Variants in FBXL3 observed in about 807,000 individuals in gnomAD.
FBXL3 encodes F-box/LRR-repeat protein 3.
Under a neutral mutation model 37.9 loss-of-function variants are expected in FBXL3, and 14 were observed. That is an observed-to-expected ratio of 0.37 (90% CI 0.24 to 0.58). The LOEUF is 0.58. Among genes scored for constraint, FBXL3 ranks in the 20% least tolerant of loss-of-function variants. The pLI, the probability that FBXL3 is intolerant of heterozygous loss-of-function variation, is 0.74. For missense variants in FBXL3, 327 were observed against 511.1 expected (o/e 0.64, Z 3.47); for synonymous variants, 194 against 180.1 (o/e 1.08, Z -0.62).
chr13:77,024,129 T>A (rs1001873236), intron 1 of FBXL3, among the ~76,000 whole-genome samples: 1 of 152,240 alleles, frequency 6.6e-6, no homozygotes, highest in South Asian at 2.1e-4. Context: ...AGTTTTTTTT[T>A]AATAAGTTTA....
At chr13:77,023,727 T>C (rs530137462) in intron 1 of FBXL3, among the ~76,000 whole-genome samples, 58 of 152,212 alleles carry the variant, frequency 3.8e-4, no homozygotes, top group Non-Finnish European at 7.9e-4. Flanking sequence ...GGCTTGTTGC[T>C]CCAACACTCC....
At chr13:77,013,296 A>G (rs1593926875) in intron 4 of FBXL3, 1 of 151,642 alleles carries the variant, frequency 6.6e-6, no homozygotes, top group Non-Finnish European at 1.5e-5. Context: ...AAAACTGGTA[A>G]CCGCCGTTTC....
intron 2 of FBXL3, among the ~76,000 whole-genome samples, chr13:77,020,560 A>G (rs546586251): frequency 1.3e-5 from 2 of 150,284 alleles, no homozygotes; most frequent in Non-Finnish European, 3.0e-5. Context: ...AGCCTGGACT[A>G]TTCAGCAACT....
intron 4 of FBXL3, chr13:77,010,604 A>AG (rs1244265318): frequency 6.6e-6 from 1 of 152,210 alleles, no homozygotes; most frequent in Non-Finnish European, 1.5e-5. Flanking sequence ...TCTAAGCTAG[A>AG]GGGGGCCAAA....
chr13:77,024,887 A>G (rs1254269049), intron 1 of FBXL3, among the ~76,000 whole-genome samples: 1 of 152,250 alleles, frequency 6.6e-6, no homozygotes, highest in Non-Finnish European at 1.5e-5. Context: ...AAATTCCAAT[A>G]AAAATATCCT....
intron 2 of FBXL3, chr13:77,018,998 A>G (rs185349002): frequency 5.5e-5 from 14 of 256,466 alleles, no homozygotes; most frequent in African/African-American, 2.0e-4. Context: ...TTTCATTATG[A>G]TAAGAGACAT....
At position 77,005,502 on chromosome 13, in the gene FBXL3, G is replaced by GT. The variant is rs2034434920; in HGVS notation, c.*1642dup. 1 of 152,492 alleles carries GT rather than the reference G, an allele frequency of 6.6e-6. No homozygotes were observed. Among genetic ancestry groups the GT allele is most frequent in the African/African-American group, 2.4e-5 (1 of 41,402 alleles). 9.4% of individuals were successfully genotyped at this position (152,492 alleles called of 1,614,324 possible). A position where few individuals can be genotyped will look rare whatever the true frequency, so the allele number is the denominator to read the frequency against. On this transcript the variant is annotated 3_prime_UTR_variant, in exon 5 of 5. Coordinates refer to ENST00000355619, the MANE Select transcript of FBXL3 (RefSeq NM_012158.4). ...AAAAACAACAACTTGACTAGCACAG[G>GT]TAATTCTTGTACAATCAGAGCTTTT...
At chr13:77,013,709 T>C (rs921791119) in intron 4 of FBXL3, 1 of 152,180 alleles carries the variant, frequency 6.6e-6, no homozygotes, top group Non-Finnish European at 1.5e-5. Context: ...GGAAGACTGA[T>C]TTGAGTAATA....
chr13:77,007,181 A>G lies in FBXL3; in HGVS notation c.1251T>C (p.Gly417=). The change falls in exon 5 of 5, where the codon GGT becomes GGC. Residue 417 remains glycine, a synonymous_variant. Coordinates refer to ENST00000355619, the MANE Select transcript of FBXL3 (RefSeq NM_012158.4). The stretch of plus-strand genomic sequence containing the variant: ...GCATCATGTCGGGAAACCACACCCT[A>G]CCAAGATGCTTGGACACTTCCCAGT... ...QIHWEVSKHL[G]RVWFPDMMPT... The G allele has an allele frequency of 6.2e-7, 1 of 1,611,764 alleles. No homozygotes were observed. The highest frequency in any genetic ancestry group is 8.5e-7 in the Non-Finnish European group (1 of 1,178,424).
intron 1 of FBXL3, chr13:77,026,093 G>T: frequency 1.3e-6 from 1 of 769,026 alleles, no homozygotes; most frequent in Non-Finnish European, 1.6e-6. Context: ...AGTTAGAAAA[G>T]GAGGATTCTA....
intron 4 of FBXL3, chr13:77,009,049 GTAT>G (rs1335033763): frequency 6.6e-6 from 1 of 152,174 alleles, no homozygotes; most frequent in African/African-American, 2.4e-5. Flanking sequence ...ATCTGGAAAA[GTAT>G]TATTTCTACT....
At position 77,007,395 on chromosome 13, in the gene FBXL3, G is replaced by A; in HGVS notation, c.1037C>T (p.Pro346Leu). 2 of 1,614,112 alleles carry A rather than the reference G, an allele frequency of 1.2e-6. No homozygotes were observed. Among genetic ancestry groups the A allele is most frequent in the Non-Finnish European group, 1.7e-6 (2 of 1,180,020 alleles). ...AATGCGAATTAACTCTTCATCAAGTGGCCGTAATCCATTTGCACACACTAC... is the reference window on the plus strand; with the variant it reads ...AATGCGAATTAACTCTTCATCAAGTAGCCGTAATCCATTTGCACACACTAC... ...ELVVCANGLR[P>L]LDEELIRIAE... The change falls in exon 5 of 5, where the codon CCA becomes CTA. Residue 346 changes from proline (P) to leucine (L), a missense_variant. Coordinates refer to ENST00000355619, the MANE Select transcript of FBXL3 (RefSeq NM_012158.4).
Position 77,018,678 on chromosome 13 carries a change from T to C in FBXL3, c.393A>G (p.Leu131=), listed in dbSNP as rs973003378. The change falls in exon 3 of 5, where the codon CTA becomes CTG. Residue 131 remains leucine (L), a synonymous_variant. Transcript: ENST00000355619. ...TTAAAGAGCAATTCACAAGTTGCGA[T>C]AGTATATCACAAGCTGCTTCAGCTG... ...KESAEAACDI[L]SQLVNCSLKT... is the part of the protein sequence containing the mutation. 1.5e-5 allele frequency: 24 copies of C among 1,595,682 alleles called. No individual in the cohort carries two copies. Among genetic ancestry groups the C allele is most frequent in the Middle Eastern group, 1.7e-4 (1 of 6,026 alleles).
intron 4 of FBXL3, chr13:77,010,467 A>C (rs1037821110): frequency 2.6e-5 from 4 of 152,240 alleles, no homozygotes; most frequent in African/African-American, 9.6e-5. Flanking sequence ...GAGCATATAA[A>C]AGATTATCTG....
At chr13:77,016,490 G>A (rs2034644716) in intron 3 of FBXL3, 1 of 150,850 alleles carries the variant, frequency 6.6e-6, no homozygotes. Context: ...CTACAGGAGT[G>A]AAAAAGGATA....
chr13:77,020,307 T>C (rs1324039431), intron 2 of FBXL3, among the ~76,000 whole-genome samples: 1 of 152,254 alleles, frequency 6.6e-6, no homozygotes, highest in Non-Finnish European at 1.5e-5. Flanking sequence ...ATACTCATCT[T>C]ACATTTTTAT....
At position 77,006,723 on chromosome 13, in the gene FBXL3, A is replaced by G; in HGVS notation, c.*422T>C. The stretch of plus-strand genomic sequence containing the variant: ...AATGCTCACTTTCCTGAGCTATATT[A>G]AACACCTTATAACAGGTGTATGTGT... On this transcript the variant is annotated 3_prime_UTR_variant, in exon 5 of 5. Coordinates refer to ENST00000355619, the MANE Select transcript of FBXL3 (RefSeq NM_012158.4). 3 of 755,036 alleles carry G rather than the reference A, an allele frequency of 4.0e-6. No homozygotes were observed. The highest frequency in any genetic ancestry group is 4.9e-6 in the Non-Finnish European group (3 of 617,458). The allele number at this position is 755,036 out of a possible 1,614,324, so 46.8% of individuals were successfully genotyped here.
At chr13:77,013,969 A>C (rs2034599753) in intron 4 of FBXL3, 1 of 152,238 alleles carries the variant, frequency 6.6e-6, no homozygotes, top group African/African-American at 2.4e-5. Context: ...TTATAGAGAA[A>C]TCAGAGACAT....
At chr13:77,014,654 G>C (rs1233015205) in intron 4 of FBXL3, 1 of 152,174 alleles carries the variant, frequency 6.6e-6, no homozygotes, top group Admixed American at 6.5e-5. Context: ...TTTTTGTAAA[G>C]ATCAAAGATT....
Sources: allele counts gnomAD v4.1 joint callset (sites outside exome capture counted in the v4.1 genomes callset), GRCh38; gene constraint gnomAD v4.1.1; transcripts MANE v1.5; gene names NCBI Gene and HGNC (gene_info 2026-07-23, HGNC 2026-07-21).